SPAG16: variants seen among roughly 807,000 people sequenced by gnomAD.
The protein encoded by SPAG16 is sperm associated antigen 16.
In SPAG16, 86 loss-of-function variants were observed where a neutral mutation model predicts 80.4. The ratio of observed to expected loss-of-function variants is 1.07; its 90% CI spans 0.90 to 1.28. The LOEUF is 1.28. Ranked by LOEUF, SPAG16 falls within the 50% of genes most tolerant of loss-of-function variation. The pLI is 0.00. For synonymous variants in SPAG16, 294 were observed against 265.9 expected (o/e 1.11, Z -1.03); for missense variants, 870 against 765.3 (o/e 1.14, Z -1.61).
At chr2:213,752,058 C>G (rs1282508666) in intron 10 of SPAG16, among the ~76,000 whole-genome samples, 1 of 152,138 alleles carries the variant, frequency 6.6e-6, no homozygotes, top group East Asian at 1.9e-4. Context: ...CTCCAAATTG[C>G]CGTAGCTAGA....
chr2:214,104,645 T>G (rs1576215456), intron 13 of SPAG16, among the ~76,000 whole-genome samples: 1 of 152,236 alleles, frequency 6.6e-6, no homozygotes, highest in South Asian at 2.1e-4. Flanking sequence ...GAGCAGCTGG[T>G]GATGCCATTT....
At chr2:213,464,957 C>A (rs955547920) in intron 9 of SPAG16, among the ~76,000 whole-genome samples, 2 of 152,116 alleles carry the variant, frequency 1.3e-5, no homozygotes, top group East Asian at 3.9e-4. Flanking sequence ...TTTTATGGAG[C>A]CCTCCCAGAT....
At chr2:214,017,160 G>C (rs910037727) in intron 13 of SPAG16, among the ~76,000 whole-genome samples, 1 of 152,170 alleles carries the variant, frequency 6.6e-6, no homozygotes, top group African/African-American at 2.4e-5. Context: ...AGGGGGCATT[G>C]TGGAAAGAGT....
intron 12 of SPAG16, among the ~76,000 whole-genome samples, chr2:213,988,360 A>G (rs1057457729): frequency 6.6e-6 from 1 of 152,142 alleles, no homozygotes; most frequent in Non-Finnish European, 1.5e-5. Context: ...CCATAAAACA[A>G]GATCAATAAA....
At chr2:213,433,009 ATAATCT>A (rs1243312744) in intron 9 of SPAG16, among the ~76,000 whole-genome samples, 9 of 152,228 alleles carry the variant, frequency 5.9e-5, no homozygotes, top group Non-Finnish European at 1.0e-4. Context: ...AAACCATATG[ATAATCT>A]TAATAAATGC....
At position 213,718,023 on chromosome 2, in the gene SPAG16, T is replaced by G. The variant is rs140499779; in HGVS notation, c.1071-144462T>G. Among the ~76,000 whole-genome samples, 22 of 151,948 alleles carry G rather than the reference T, an allele frequency of 1.4e-4. No individual in the cohort carries two copies. The East Asian group carries it at 4.3e-3, about 30-fold the overall frequency. ...GGATCTAATTAAACTAAATAGCTTCTGCACAGCAAAAGAAACTATCACCGG... is the reference window on the plus strand; with the variant it reads ...GGATCTAATTAAACTAAATAGCTTCGGCACAGCAAAAGAAACTATCACCGG... On this transcript the variant is annotated intron_variant, in intron 10 of 15. Coordinates refer to ENST00000331683, the MANE Select transcript of SPAG16 (RefSeq NM_024532.5).
intron 9 of SPAG16, among the ~76,000 whole-genome samples, chr2:213,435,807 A>T (rs1017110536): frequency 6.6e-6 from 1 of 152,220 alleles, no homozygotes. Context: ...AATAACGTAG[A>T]CATAAAATAT....
intron 13 of SPAG16, among the ~76,000 whole-genome samples, chr2:214,047,346 C>T (rs986046040): frequency 1.3e-5 from 2 of 152,080 alleles, no homozygotes; most frequent in Non-Finnish European, 2.9e-5. Context: ...AAAGCAGGTA[C>T]ATAGACCAAT....
At chr2:213,866,338 T>C (rs1000605402) in intron 11 of SPAG16, among the ~76,000 whole-genome samples, 39 of 152,020 alleles carry the variant, frequency 2.6e-4, no homozygotes, top group African/African-American at 8.7e-4. Context: ...AAAAATGATA[T>C]AGAAAATGAA....
At chr2:213,339,015 C>G (rs1326261294) in intron 5 of SPAG16, among the ~76,000 whole-genome samples, 1 of 77,466 alleles carries the variant, frequency 1.3e-5, no homozygotes, top group Non-Finnish European at 2.7e-5. Context: ...GCACCTGTGC[C>G]CCAGAACTTA....
intron 10 of SPAG16, among the ~76,000 whole-genome samples, chr2:213,797,395 G>A (rs763514368): frequency 9.2e-5 from 14 of 152,112 alleles, no homozygotes; most frequent in South Asian, 2.1e-4. Flanking sequence ...TCATAGTGCC[G>A]AGAAAATGTG....
chr2:213,307,692 T>A, intron 3 of SPAG16, among the ~76,000 whole-genome samples: 1 of 152,114 alleles, frequency 6.6e-6, no homozygotes, highest in Non-Finnish European at 1.5e-5. Context: ...GTCCTTTTGG[T>A]ATATACCCAG....
intron 10 of SPAG16, among the ~76,000 whole-genome samples, chr2:213,583,239 A>G (rs1022278336): frequency 6.6e-6 from 1 of 152,214 alleles, no homozygotes; most frequent in Non-Finnish European, 1.5e-5. Flanking sequence ...AAATGGAATG[A>G]AACACATATC....
chr2:213,980,043 A>G (rs2045614248), intron 12 of SPAG16, among the ~76,000 whole-genome samples: 1 of 151,736 alleles, frequency 6.6e-6, no homozygotes, highest in African/African-American at 2.4e-5. Context: ...TGAAAGAACC[A>G]GACTTACTGA....
intron 12 of SPAG16, among the ~76,000 whole-genome samples, chr2:213,988,681 TAA>T (rs200819063): frequency 0.04 from 5,776 of 145,564 alleles, 377 homozygotes; most frequent in African/African-American, 0.14. Context: ...TTTTTTAAAT[TAA>T]AAAAAAAAAC....
chr2:213,974,684 C>G (rs574519499), intron 12 of SPAG16, among the ~76,000 whole-genome samples: 2 of 152,036 alleles, frequency 1.3e-5, no homozygotes, highest in East Asian at 3.9e-4. Flanking sequence ...TTTCTAAGTG[C>G]TTTATCAGTG....
At chr2:214,031,598 T>TAAAAA (rs377712706) in intron 13 of SPAG16, among the ~76,000 whole-genome samples, 3 of 132,476 alleles carry the variant, frequency 2.3e-5, no homozygotes, top group Admixed American at 7.5e-5. Context: ...AGTATAATAA[T>TAAAAA]AATAAAATAA....
chr2:213,536,745 G>A (rs1163377871), intron 10 of SPAG16, among the ~76,000 whole-genome samples: 1 of 152,018 alleles, frequency 6.6e-6, no homozygotes, highest in Non-Finnish European at 1.5e-5. Flanking sequence ...TGTCAGATGA[G>A]TAGGTTGCGA....
intron 14 of SPAG16, among the ~76,000 whole-genome samples, chr2:214,114,916 C>G (rs2125432428): frequency 6.6e-6 from 1 of 152,332 alleles, no homozygotes; most frequent in South Asian, 2.1e-4. Flanking sequence ...CAGACTGGTG[C>G]TGTTCCTATT....
Sources: allele counts gnomAD v4.1 joint callset (sites outside exome capture counted in the v4.1 genomes callset), GRCh38; gene constraint gnomAD v4.1.1; transcripts MANE v1.5; gene names NCBI Gene and HGNC (gene_info 2026-07-23, HGNC 2026-07-21).